The following THRB variants were observed in gnomAD, a reference collection of about 807,000 sequenced individuals.
THRB encodes thyroid hormone receptor beta.
A neutral mutation model predicts 47.8 loss-of-function variants in THRB; 12 were observed. The ratio of observed to expected loss-of-function variants is 0.25; its 90% confidence interval spans 0.16 to 0.41. The LOEUF is 0.41. Among genes scored for constraint, THRB ranks in the 10% least tolerant of loss-of-function variants. The pLI, the probability that THRB is intolerant of heterozygous loss-of-function variation, is 1.00. For synonymous variants in THRB, 218 were observed against 212.2 expected, an observed-to-expected ratio of 1.03 and a Z score of -0.24; for missense variants, 348 against 589.2, an observed-to-expected ratio of 0.59 and a Z score of 4.24.
At chr3:24,185,345 G>A (rs1483778298) in intron 5 of THRB, among the ~76,000 whole-genome samples, 1 of 152,186 alleles carries the variant, frequency 6.6e-6, no homozygotes, top group African/African-American at 2.4e-5. Flanking sequence ...CATGCACAGA[G>A]AAAAGACTGA....
chr3:24,138,725 C>A lies in THRB; in HGVS notation c.738+4776G>T, dbSNP rs1292780338. 2.6e-5 allele frequency among the ~76,000 whole-genome samples: 4 copies of A among 152,142 alleles called. No homozygotes were observed. In the East Asian group the frequency reaches 7.7e-4, roughly 29 times the overall value. On this transcript the variant is annotated intron_variant, in intron 8 of 10. Transcript: ENST00000646209. ...TGTACTATGAGCTATGCACACAGAC[C>A]AAATATGGCCTCATCACTCACCCTG...
intron 5 of THRB, among the ~76,000 whole-genome samples, chr3:24,159,997 G>A (rs1239254678): frequency 6.6e-6 from 1 of 152,176 alleles, no homozygotes; most frequent in Non-Finnish European, 1.5e-5. Flanking sequence ...GCCTTTGAAG[G>A]CAGGGCTGGT....
chr3:24,281,034 C>T (rs1238689714), intron 3 of THRB, among the ~76,000 whole-genome samples: 4 of 152,244 alleles, frequency 2.6e-5, no homozygotes, highest in South Asian at 2.1e-4. Flanking sequence ...TCCAGGAGAA[C>T]TTCCCCAATC....
intron 4 of THRB, among the ~76,000 whole-genome samples, chr3:24,196,598 C>CA (rs952287878): frequency 3.1e-4 from 47 of 151,710 alleles, no homozygotes; most frequent in Non-Finnish European, 5.9e-4. Flanking sequence ...CCCCCCACCC[C>CA]AAAAAAAAGA....
chr3:24,206,242 T>A (rs1000303378), intron 4 of THRB, among the ~76,000 whole-genome samples: 1 of 152,276 alleles, frequency 6.6e-6, no homozygotes, highest in East Asian at 1.9e-4. Context: ...ATTGACCACA[T>A]AGTTGGAAGT....
At chr3:24,455,709 C>T (rs189307473) in intron 1 of THRB, among the ~76,000 whole-genome samples, 5 of 152,158 alleles carry the variant, frequency 3.3e-5, no homozygotes, top group Admixed American at 6.5e-5. Flanking sequence ...AAAAGAATTC[C>T]GGCTTCATTC....
chr3:24,255,865 A>C lies in THRB; in HGVS notation c.-42-26864T>G, dbSNP rs866427965. On this transcript the variant is annotated intron_variant, in intron 3 of 10. Transcript: ENST00000646209. ...GTCTTAAGTGAAGGAAGTAGCAATG[A>C]TTAGATTTACATTTCAAAAACCACT... is the stretch of plus-strand genomic sequence containing the variant. Among the ~76,000 whole-genome samples the C allele has an allele frequency of 6.6e-5, 10 of 152,306 alleles. No individual in the cohort carries two copies. The South Asian group carries it at 2.1e-3, about 32-fold the overall frequency.
chr3:24,208,562 G>A (rs981224238), intron 4 of THRB, among the ~76,000 whole-genome samples: 10 of 152,086 alleles, frequency 6.6e-5, no homozygotes, highest in African/African-American at 1.4e-4. Flanking sequence ...ACAACCATCC[G>A]ATCTTTGACA....
At chr3:24,384,131 T>C (rs192915502) in intron 1 of THRB, among the ~76,000 whole-genome samples, 165 of 152,280 alleles carry the variant, frequency 1.1e-3, no homozygotes, top group African/African-American at 3.3e-3. Flanking sequence ...CTACTGTATA[T>C]CCTTTTACTC....
chr3:24,241,317 C>T (rs781117933), intron 3 of THRB, among the ~76,000 whole-genome samples: 4 of 152,188 alleles, frequency 2.6e-5, no homozygotes, highest in African/African-American at 9.6e-5. Context: ...CCCAATAATG[C>T]GTACTTAGAA....
At chr3:24,179,246 G>A (rs576016449) in intron 5 of THRB, among the ~76,000 whole-genome samples, 2 of 152,282 alleles carry the variant, frequency 1.3e-5, no homozygotes, top group African/African-American at 4.8e-5. Context: ...TGTAAATAAA[G>A]TCTGTAGATT....
rs12107241 is a variant in THRB at position 24,342,699 on chromosome 3, C to A, written c.-260-5328G>T. Among the ~76,000 whole-genome samples, 989 of 152,192 alleles carry A rather than the reference C, an allele frequency of 6.5e-3. 10 individuals carry two copies. Among genetic ancestry groups the A allele is most frequent in the African/African-American group, 0.023 (940 of 41,530 alleles). ...GTGGGCAAGCAGGTGAATACACAGTCATGCTGTGCAAGGTACCATACAAGG... is the reference window on the plus strand; with the variant it reads ...GTGGGCAAGCAGGTGAATACACAGTAATGCTGTGCAAGGTACCATACAAGG... On this transcript the variant is annotated intron_variant, in intron 1 of 10. Coordinates refer to ENST00000646209, the MANE Select transcript of THRB (RefSeq NM_001354712.2).
intron 1 of THRB, among the ~76,000 whole-genome samples, chr3:24,371,456 A>C (rs2064904013): frequency 6.6e-6 from 1 of 152,132 alleles, no homozygotes; most frequent in African/African-American, 2.4e-5. Context: ...GTATTATCTT[A>C]TTAATAATAA....
intron 3 of THRB, among the ~76,000 whole-genome samples, chr3:24,236,183 C>A (rs1402182698): frequency 6.6e-6 from 1 of 152,124 alleles, no homozygotes; most frequent in South Asian, 2.1e-4. Flanking sequence ...ACCTTTGACT[C>A]TGGTATTTGG....
chr3:24,125,044 T>G (rs1407350713), intron 10 of THRB, among the ~76,000 whole-genome samples: 2 of 152,342 alleles, frequency 1.3e-5, no homozygotes, highest in Middle Eastern at 3.4e-3. Context: ...TGGCATCACA[T>G]TCACAGTTTT....
At chr3:24,352,285 C>T (rs1039453666) in intron 1 of THRB, among the ~76,000 whole-genome samples, 1 of 152,112 alleles carries the variant, frequency 6.6e-6, no homozygotes, top group African/African-American at 2.4e-5. Context: ...GTTCTTGGAT[C>T]ACTTTTGGGC....
intron 1 of THRB, among the ~76,000 whole-genome samples, chr3:24,481,606 C>T (rs1170701779): frequency 2.6e-5 from 4 of 151,976 alleles, no homozygotes; most frequent in African/African-American, 9.7e-5. Flanking sequence ...AGATATATAG[C>T]AAGTGACTAG....
At chr3:24,202,286 G>C (rs933021529) in intron 4 of THRB, among the ~76,000 whole-genome samples, 1 of 152,126 alleles carries the variant, frequency 6.6e-6, no homozygotes, top group African/African-American at 2.4e-5. Context: ...GAAAACATAC[G>C]TTTTTGGTAT....
intron 4 of THRB, among the ~76,000 whole-genome samples, chr3:24,213,807 T>A (rs17014340): frequency 0.02 from 3,035 of 152,316 alleles, 86 homozygotes; most frequent in African/African-American, 0.061. Context: ...TCAGGAAAAC[T>A]GGATGGCATT....
Sources: gnomAD v4.1 joint callset for allele counts (sites outside exome capture counted in the v4.1 genomes callset) on GRCh38, gnomAD v4.1.1 for gene constraint, MANE v1.5 for transcripts, NCBI Gene and HGNC (gene_info 2026-07-23, HGNC 2026-07-21) for gene names.